Variants in MXD4 observed in about 807,000 individuals in gnomAD.
MXD4 encodes Mad4 homolog.
In MXD4, 16 loss-of-function variants were observed where a neutral mutation model predicts 24.5. The ratio of observed to expected loss-of-function variants is 0.65; its 90% CI spans 0.44 to 0.99. The LOEUF (loss-of-function observed/expected upper bound fraction) is 0.99. Among genes scored for constraint, MXD4 ranks in the 50% least tolerant of loss-of-function variants. The pLI is 0.00. For synonymous variants in MXD4, 164 were observed against 134.2 expected (o/e 1.22, Z -1.54); for missense variants, 301 against 301.5 (o/e 1.00, Z 0.01).
In MXD4 at chr4:2,251,351, C is replaced by A. The variant is rs1735319547; in HGVS notation, c.310-105G>T. The stretch of plus-strand genomic sequence containing the variant: ...GCCTGGGCCCGGGAGGTTCCCCATC[C>A]CTGCCAAGACCTAGCCAAGGCTACA... On this transcript the variant is annotated intron_variant, in intron 4 of 5. Coordinates refer to ENST00000337190, the MANE Select transcript of MXD4 (RefSeq NM_006454.3). 4 of 1,332,018 alleles carry A rather than the reference C, an allele frequency of 3.0e-6. 1 individual carries two copies. Among genetic ancestry groups the A allele is most frequent in the Non-Finnish European group, 1.0e-6 (1 of 1,001,424 alleles). 82.5% of individuals were successfully genotyped at this position (1,332,018 alleles called of 1,614,324 possible).
rs201262221 is a variant in MXD4 at position 2,261,787 on chromosome 4, G to A, written c.102C>T (p.Asp34=). 5 of 1,430,342 alleles carry A rather than the reference G, an allele frequency of 3.5e-6. No individual in the cohort carries two copies. The highest frequency in any genetic ancestry group is 6.3e-5 in the East Asian group (2 of 31,808). 88.6% of individuals were successfully genotyped at this position (1,430,342 alleles called of 1,614,324 possible). The stretch of plus-strand genomic sequence containing the variant: ...TTGTTTTCTCCCTGGCGAAGTCGCC[G>A]TCGAAGGGCAGCACCGAGGCGTAGC... The part of the protein sequence containing the change: ...EHGYASVLPF[D]GDFAREKTKA... Residue 34 remains aspartate, a synonymous_variant, in exon 2 of 6, where the codon GAC becomes GAT. Transcript: ENST00000337190.
rs150472242 is a variant in MXD4 at position 2,250,634 on chromosome 4, C to T, written c.540G>A (p.Ala180=). The change falls in exon 6 of 6, where the codon GCG becomes GCA. Residue 180 remains alanine (A), a synonymous_variant. Transcript: ENST00000337190. ...CACTCTGCAGGCTGTAGTGGTCGTCCGCGTCACTGCTGCTGCCAACACTGT... is the reference window on the plus strand; with the variant it reads ...CACTCTGCAGGCTGTAGTGGTCGTCTGCGTCACTGCTGCTGCCAACACTGT... ...ELDSVGSSSD[A]DDHYSLQSGT... 1.5e-5 allele frequency: 25 copies of T among 1,613,452 alleles called. 1 individual carries two copies. The highest frequency in any genetic ancestry group is 8.3e-5 in the Admixed American group (5 of 59,994).
Position 2,250,366 on chromosome 4 carries a change from G to C in MXD4, c.*178C>G. 4.8e-6 allele frequency: 4 copies of C among 840,602 alleles called. No individual in the cohort carries two copies. The highest frequency in any genetic ancestry group is 7.1e-6 in the Non-Finnish European group (4 of 560,758). 52.1% of individuals were successfully genotyped at this position (840,602 alleles called of 1,614,324 possible). On this transcript the variant is annotated 3_prime_UTR_variant, in exon 6 of 6. Transcript: ENST00000337190. The stretch of plus-strand genomic sequence containing the variant: ...GGACTCTGCCCAGCTGGAAGGGGCA[G>C]GCAGCTCGGCAGGCCCTGACCGGCA...
Position 2,247,752 on chromosome 4 carries a change from G to A in MXD4, c.*2792C>T, listed in dbSNP as rs1220549706. 1.3e-5 allele frequency: 2 copies of A among 152,456 alleles called. No homozygotes were observed. Among genetic ancestry groups the A allele is most frequent in the Non-Finnish European group, 2.9e-5 (2 of 68,198 alleles). 9.4% of individuals were successfully genotyped at this position (152,456 alleles called of 1,614,324 possible). ...GCACGGGCCGGGGCAGACAGAGCAG[G>A]GACCCTAGGGCCACAGACCGGTACA... is the stretch of plus-strand genomic sequence containing the variant. On this transcript the variant is annotated 3_prime_UTR_variant, in exon 6 of 6. Transcript: ENST00000337190.
Position 2,259,030 on chromosome 4 carries a change from C to G in MXD4, c.165-1019G>C, listed in dbSNP as rs978538588. On this transcript the variant is annotated intron_variant, in intron 2 of 5. Coordinates refer to ENST00000337190, the MANE Select transcript of MXD4 (RefSeq NM_006454.3). ...TCCAGGCAGGACCCCACAGGCCAGC[C>G]AGGGCTCCCGGGCCTCCCAGGATGC... is the stretch of plus-strand genomic sequence containing the variant. 5 of 450,470 alleles carry G rather than the reference C, an allele frequency of 1.1e-5. No individual in the cohort carries two copies. The East Asian group carries it at 2.8e-4, about 25-fold the overall frequency. 27.9% of individuals were successfully genotyped at this position (450,470 alleles called of 1,614,324 possible).
intron 2 of MXD4, chr4:2,260,445 C>T (rs1735516411): frequency 4.8e-6 from 2 of 417,774 alleles, no homozygotes; most frequent in South Asian, 1.7e-5. Context: ...TTGGCCAGGA[C>T]GCTGGTTGTC....
In MXD4 at chr4:2,250,460, G is replaced by A. The variant is rs535656716; in HGVS notation, c.*84C>T. 4.6e-5 allele frequency: 66 copies of A among 1,422,142 alleles called. No homozygotes were observed. The South Asian group carries it at 7.2e-4, about 15-fold the overall frequency. The allele number at this position is 1,422,142 out of a possible 1,614,324, so 88.1% of individuals were successfully genotyped here. A position where few individuals can be genotyped will look rare whatever the true frequency, so the allele number is the denominator to read the frequency against. On this transcript the variant is annotated 3_prime_UTR_variant, in exon 6 of 6. Coordinates refer to ENST00000337190, the MANE Select transcript of MXD4 (RefSeq NM_006454.3). ...AATGGCACAGCAGTGGGCCTGTGGAGAGGCTGGCGTCAACTGAAGGAGAAC... is the reference window on the plus strand; with the variant it reads ...AATGGCACAGCAGTGGGCCTGTGGAAAGGCTGGCGTCAACTGAAGGAGAAC...
rs375438671 is a variant in MXD4 at position 2,252,445 on chromosome 4, G to C, written c.272C>G (p.Thr91Arg). Residue 91 changes from threonine (T) to arginine (R), a missense_variant, in exon 4 of 6, where the codon ACG becomes AGG. Transcript: ENST00000337190. The stretch of plus-strand genomic sequence containing the variant: ...CTTGGCCCGCTTCAGGAGGCTCAGC[G>C]TGGTGTGGCGGGTGCTGTCGGGGCC... ...PLGPDSTRHTTLSLLKRAKVH... is the reference protein window; with the variant it reads ...PLGPDSTRHTRLSLLKRAKVH... 1 of 1,613,316 alleles carries C rather than the reference G, an allele frequency of 6.2e-7. No homozygotes were observed. Among genetic ancestry groups the C allele is most frequent in the Non-Finnish European group, 8.5e-7 (1 of 1,180,000 alleles).
rs1322737855 is a variant in MXD4 at position 2,248,802 on chromosome 4, T to G, written c.*1742A>C. 1.3e-5 allele frequency: 2 copies of G among 152,222 alleles called. No homozygotes were observed. Among genetic ancestry groups the G allele is most frequent in the African/African-American group, 2.4e-5 (1 of 41,448 alleles). 9.4% of individuals were successfully genotyped at this position (152,222 alleles called of 1,614,324 possible). A position where few individuals can be genotyped will look rare whatever the true frequency, so the allele number is the denominator to read the frequency against. On this transcript the variant is annotated 3_prime_UTR_variant, in exon 6 of 6. Coordinates refer to ENST00000337190, the MANE Select transcript of MXD4 (RefSeq NM_006454.3). Reference sequence around the variant, plus strand: ...AAATAGACACGAATTTTCCCCATGATATGGGAATTGGCTACAGATGTACCA... The same window carrying G: ...AAATAGACACGAATTTTCCCCATGAGATGGGAATTGGCTACAGATGTACCA...
chr4:2,257,575 C>T (rs1298905982), intron 3 of MXD4, among the ~76,000 whole-genome samples: 1 of 152,236 alleles, frequency 6.6e-6, no homozygotes, highest in African/African-American at 2.4e-5. Flanking sequence ...GACTGGCTGC[C>T]CTCCATCTGC....
intron 3 of MXD4, among the ~76,000 whole-genome samples, chr4:2,257,576 C>T (rs1414558968): frequency 2.6e-5 from 4 of 152,256 alleles, no homozygotes; most frequent in African/African-American, 9.6e-5. Flanking sequence ...ACTGGCTGCC[C>T]TCCATCTGCC....
chr4:2,261,478 A>T (rs1314825429), intron 2 of MXD4, among the ~76,000 whole-genome samples: 1 of 149,196 alleles, frequency 6.7e-6, no homozygotes, highest in African/African-American at 2.5e-5. Context: ...CGGGCGCTGT[A>T]CGCGTGGCAC....
intron 3 of MXD4, 143 bp downstream of exon 3, chr4:2,257,839 T>C: frequency 1.8e-6 from 2 of 1,098,106 alleles, no homozygotes; most frequent in Non-Finnish European, 2.7e-6. Flanking sequence ...CTCCTCCAAG[T>C]CTGACCATTC....
In MXD4 at chr4:2,257,826, C is replaced by T. The variant is rs544435157; in HGVS notation, c.194+156G>A. On this transcript the variant is annotated intron_variant, in intron 3 of 5. Transcript: ENST00000337190. ...CAGAGTGCCTGAAACAGACCTCAGC[C>T]TTCTCCTCCAAGTCTGACCATTCCC... is the stretch of plus-strand genomic sequence containing the variant. Among the ~76,000 whole-genome samples, 128 of 152,398 alleles carry T rather than the reference C, an allele frequency of 8.4e-4. 2 individuals carry two copies. The highest frequency in any genetic ancestry group is 7.6e-3 in the Admixed American group (117 of 15,314).
At chr4:2,257,687 C>A (rs1042422468) in intron 3 of MXD4, among the ~76,000 whole-genome samples, 1 of 152,246 alleles carries the variant, frequency 6.6e-6, no homozygotes, top group Non-Finnish European at 1.5e-5. Context: ...TCCTGAAAGC[C>A]AAGGGCCCTG....
rs867739741 is a variant in MXD4, at chr4:2,257,906, C to T, written c.194+76G>A. On this transcript the variant is annotated intron_variant, in intron 3 of 5. Transcript: ENST00000337190. The stretch of plus-strand genomic sequence containing the variant: ...TGGCCGTGCCCGGGACAGGGGCAGG[C>T]TCAACGCACCACACACCCTCAGTAA... 113 of 1,588,894 alleles carry T rather than the reference C, an allele frequency of 7.1e-5. 1 individual carries two copies. In the South Asian group the frequency reaches 1.2e-3, roughly 17 times the overall value.
chr4:2,252,575 C>T, intron 3 of MXD4, 53 bp from the exon 4 acceptor site: 3 of 1,333,556 alleles, frequency 2.2e-6, no homozygotes, highest in South Asian at 1.3e-5. Flanking sequence ...GGGCAGCAGG[C>T]AGTTTCCAGG....
chr4:2,261,741 T>G lies in MXD4; in HGVS notation c.148A>C (p.Lys50Gln), dbSNP rs1310232880. Residue 50 changes from lysine (K) to glutamine (Q), a missense_variant, in exon 2 of 6, where the codon AAG becomes CAG. Physicochemically the swap from Lys to Gln is moderately conservative, Grantham distance 53 (BLOSUM62 1). Transcript: ENST00000337190. Reference protein sequence around the residue: ...EKTKAAGLVRKAPNNRSSHNE... With the variant: ...EKTKAAGLVRQAPNNRSSHNE... ...GGGCGGTACCTGTTGTTCGGGGCCTTGCGCACCAGGCCGGCCGCCTTTGTT... is the reference window on the plus strand; with the variant it reads ...GGGCGGTACCTGTTGTTCGGGGCCTGGCGCACCAGGCCGGCCGCCTTTGTT... The G allele has an allele frequency of 2.1e-6, 3 of 1,414,426 alleles. No homozygotes were observed. Among genetic ancestry groups the G allele is most frequent in the Non-Finnish European group, 2.8e-6 (3 of 1,076,588 alleles). The allele number at this position is 1,414,426 out of a possible 1,614,324, so 87.6% of individuals were successfully genotyped here.
At position 2,261,907 on chromosome 4, in the gene MXD4, C is replaced by G. The variant is rs759331238; in HGVS notation, c.64+10G>C. 1.9e-5 allele frequency: 27 copies of G among 1,452,820 alleles called. No individual in the cohort carries two copies. Among genetic ancestry groups the G allele is most frequent in the Non-Finnish European group, 2.2e-5 (24 of 1,101,918 alleles). The allele number at this position is 1,452,820 out of a possible 1,614,324, so 90.0% of individuals were successfully genotyped here. ...ACCGCCGCGGGCGCACAATGGGGTG[C>G]GAGCGCTACCTCGATCCCTGCGCTC... On this transcript the variant is annotated intron_variant, in intron 1 of 5. Transcript: ENST00000337190.
Sources: allele counts gnomAD v4.1 joint callset (sites outside exome capture counted in the v4.1 genomes callset), GRCh38; gene constraint gnomAD v4.1.1; transcripts MANE v1.5; gene names NCBI Gene and HGNC (gene_info 2026-07-23, HGNC 2026-07-21).